The following NREP variants were observed in gnomAD, a reference collection of about 807,000 sequenced individuals.
The protein encoded by NREP is neuronal regeneration-related protein.
NREP carries 5 observed loss-of-function variants against 8.6 expected under a neutral mutation model. The observed-to-expected ratio is 0.58, with a 90% CI of 0.30 to 1.22. The LOEUF is 1.22. Ranked by LOEUF, NREP falls within the 50% of genes most tolerant of loss-of-function variation. The pLI is 0.07. For synonymous variants in NREP, 27 were observed against 28.0 expected (o/e 0.96, Z 0.11); for missense variants, 86 against 82.5 (o/e 1.04, Z -0.17).
intron 1 of NREP, chr5:111,756,092 G>A: frequency 8.7e-7 from 1 of 1,153,540 alleles, no homozygotes; most frequent in South Asian, 3.0e-5. Context: ...TAAATTGCAT[G>A]AGTTCAAAAG....
intron 2 of NREP, among the ~76,000 whole-genome samples, chr5:111,752,826 A>C (rs1313974674): frequency 6.6e-6 from 1 of 152,150 alleles, no homozygotes; most frequent in Non-Finnish European, 1.5e-5. Context: ...TCATGTTGAA[A>C]ACCAGGACTT....
chr5:111,757,507 C>A (rs1021630596), upstream of NREP: 50 of 984,996 alleles, frequency 5.1e-5, no homozygotes, highest in African/African-American at 7.7e-4. Flanking sequence ...TGGCGCGGAG[C>A]CAGCGCCCCA....
intron 2 of NREP, among the ~76,000 whole-genome samples, chr5:111,750,054 G>A (rs1430666650): frequency 2.0e-5 from 3 of 152,168 alleles, no homozygotes; most frequent in Non-Finnish European, 2.9e-5. Context: ...TCTCTAAGAT[G>A]CCTGCTCAGG....
At chr5:111,966,430 T>C (rs2047070) in intron 2 of NREP, among the ~76,000 whole-genome samples, 55,562 of 151,972 alleles carry the variant, frequency 0.37, 10,582 homozygotes, top group South Asian at 0.57. Context: ...ATTATTGGTA[T>C]TGGGATTTTT....
chr5:111,915,236 T>C (rs1755024898), intron 2 of NREP, among the ~76,000 whole-genome samples: 1 of 152,098 alleles, frequency 6.6e-6, no homozygotes, highest in African/African-American at 2.4e-5. Context: ...ACAATGAAAG[T>C]CCAGTGTTCT....
At chr5:111,880,410 T>A (rs1208734431) in intron 2 of NREP, among the ~76,000 whole-genome samples, 2 of 152,164 alleles carry the variant, frequency 1.3e-5, no homozygotes, top group Non-Finnish European at 2.9e-5. Flanking sequence ...AAGTCCAAGA[T>A]CAAATATGTC....
At chr5:111,846,642 T>C (rs1240777597) in intron 2 of NREP, 1 of 151,962 alleles carries the variant, frequency 6.6e-6, no homozygotes, top group Non-Finnish European at 1.5e-5. Context: ...CTTTAAAAAA[T>C]ATTCTGTAGC....
chr5:111,881,082 T>A (rs956056221), intron 2 of NREP, among the ~76,000 whole-genome samples: 6 of 152,094 alleles, frequency 3.9e-5, no homozygotes, highest in Non-Finnish European at 8.8e-5. Context: ...TCAAAGAAAG[T>A]GGTGACAGAC....
At chr5:111,748,635 A>G (rs964968258) in intron 2 of NREP, among the ~76,000 whole-genome samples, 1 of 152,178 alleles carries the variant, frequency 6.6e-6, no homozygotes, top group Non-Finnish European at 1.5e-5. Flanking sequence ...TTGTAGAAAG[A>G]GAACACCAAA....
At chr5:111,824,317 A>G (rs112624472) in intron 2 of NREP, among the ~76,000 whole-genome samples, 1,526 of 152,320 alleles carry the variant, frequency 0.01, 25 homozygotes, top group African/African-American at 0.035. Context: ...TCCAGTGAGC[A>G]GAAATCACGC....
chr5:111,785,741 T>C (rs1177756971), intron 2 of NREP, among the ~76,000 whole-genome samples: 1 of 152,156 alleles, frequency 6.6e-6, no homozygotes, highest in Non-Finnish European at 1.5e-5. Context: ...GTATGTTTTA[T>C]TAGATTGGGG....
chr5:111,904,771 A>G (rs561621199), intron 2 of NREP, among the ~76,000 whole-genome samples: 1 of 152,204 alleles, frequency 6.6e-6, no homozygotes, highest in Non-Finnish European at 1.5e-5. Context: ...CCCACCAAGG[A>G]GAACAATTGT....
At chr5:111,801,929 A>C (rs1752017771) in intron 2 of NREP, among the ~76,000 whole-genome samples, 1 of 152,134 alleles carries the variant, frequency 6.6e-6, no homozygotes, top group Admixed American at 6.5e-5. Flanking sequence ...AAGGGGCCAC[A>C]CATTTTTGCT....
chr5:111,924,156 G>A (rs530445408), intron 2 of NREP, among the ~76,000 whole-genome samples: 8 of 152,132 alleles, frequency 5.3e-5, no homozygotes, highest in African/African-American at 1.9e-4. Context: ...CTGAGGTTTG[G>A]CAAAGCTGGG....
intron 2 of NREP, among the ~76,000 whole-genome samples, chr5:111,793,400 G>C (rs1259687230): frequency 6.6e-6 from 1 of 152,096 alleles, no homozygotes; most frequent in Non-Finnish European, 1.5e-5. Context: ...GGAGTCCAAA[G>C]GCCTGGGATC....
intron 2 of NREP, among the ~76,000 whole-genome samples, chr5:111,965,258 A>G (rs1475498509): frequency 1.3e-5 from 2 of 152,152 alleles, no homozygotes; most frequent in South Asian, 2.1e-4. Context: ...CAAGAATTGC[A>G]TCACATACCC....
intron 2 of NREP, among the ~76,000 whole-genome samples, chr5:111,967,618 C>T (rs543405575): frequency 7.9e-5 from 12 of 152,186 alleles, no homozygotes; most frequent in South Asian, 2.1e-4. Flanking sequence ...CTGTGAGGAA[C>T]GCCTCTGCCC....
At chr5:111,768,386 T>A (rs184203476) in intron 2 of NREP, among the ~76,000 whole-genome samples, 1 of 152,184 alleles carries the variant, frequency 6.6e-6, no homozygotes, top group African/African-American at 2.4e-5. Context: ...TTATTTAGAT[T>A]CAGGGGGTAC....
At chr5:111,826,891 G>C (rs1752641230) in intron 2 of NREP, among the ~76,000 whole-genome samples, 1 of 152,142 alleles carries the variant, frequency 6.6e-6, no homozygotes, top group African/African-American at 2.4e-5. Flanking sequence ...AGTTGAAAGA[G>C]GGTTGGAATG....
Sources: allele counts gnomAD v4.1 joint callset (sites outside exome capture counted in the v4.1 genomes callset), GRCh38; gene constraint gnomAD v4.1.1; transcripts MANE v1.5; gene names NCBI Gene and HGNC (gene_info 2026-07-23, HGNC 2026-07-21).